The following FRY variants were observed in gnomAD, a reference collection of about 807,000 sequenced individuals.
FRY encodes protein furry homolog.
FRY carries 128 observed loss-of-function variants against 348.4 expected under a neutral mutation model. The ratio of observed to expected loss-of-function variants is 0.37; its 90% CI spans 0.32 to 0.43. FRY has a LOEUF of 0.43. Among genes scored for constraint, FRY ranks in the 20% least tolerant of loss-of-function variants. FRY has a pLI of 1.00. For missense variants in FRY, 2,736 were observed against 3,695.2 expected, an observed-to-expected ratio of 0.74 and a Z score of 6.73; for synonymous variants, 1,370 against 1,374.7, an observed-to-expected ratio of 1.00 and a Z score of 0.08.
Position 32,134,913 on chromosome 13 carries a change from C to T in FRY, c.895C>T (p.His299Tyr), listed in dbSNP as rs749271515. 26 of 1,604,324 alleles carry T rather than the reference C, an allele frequency of 1.6e-5. No homozygotes were observed. The highest frequency in any genetic ancestry group is 1.6e-4 in the Middle Eastern group (1 of 6,066). Residue 299 changes from histidine (H) to tyrosine (Y), a missense_variant, in exon 9 of 61, where the codon CAT (histidine) becomes TAT (tyrosine). Physicochemically the swap from His to Tyr is moderately conservative, Grantham distance 83 (BLOSUM62 2). Transcript: ENST00000542859. The stretch of plus-strand genomic sequence containing the variant: ...TTTTTCTGCTTCCCAGGAATGTGCA[C>T]ATTACTTCCTCGAGGTCAAAGACAA... ...ASLQFMQECA[H>Y]YFLEVKDKDI...
In FRY at chr13:32,295,806, A is replaced by T. The variant is rs1448119597; in HGVS notation, c.*346A>T. On this transcript the variant is annotated 3_prime_UTR_variant, in exon 61 of 61. Coordinates refer to ENST00000542859, the MANE Select transcript of FRY (RefSeq NM_023037.3). ...CCTTCCTTTCTAGAAACAATTTTAG[A>T]TTGGCAAAAGTGCAATGTTTTCTTC... 7 of 275,070 alleles carry T rather than the reference A, an allele frequency of 2.5e-5. No homozygotes were observed. Among genetic ancestry groups the T allele is most frequent in the African/African-American group, 1.5e-4 (7 of 46,330 alleles). 17.0% of individuals were successfully genotyped at this position (275,070 alleles called of 1,614,324 possible). A position where few individuals can be genotyped will look rare whatever the true frequency, so the allele number is the denominator to read the frequency against.
chr13:32,044,785 G>C (rs899946235), intron 1 of FRY, among the ~76,000 whole-genome samples: 7 of 152,194 alleles, frequency 4.6e-5, no homozygotes, highest in Non-Finnish European at 7.3e-5. Flanking sequence ...TTGCCACCCT[G>C]ATAGACTTGC....
intron 1 of FRY, among the ~76,000 whole-genome samples, chr13:32,070,346 G>A (rs1015469270): frequency 4.9e-4 from 75 of 152,226 alleles, no homozygotes; most frequent in African/African-American, 1.6e-3. Flanking sequence ...ATGTAAAAGC[G>A]TTCCTATTTC....
chr13:32,243,314 G>T (rs368883048), intron 46 of FRY, among the ~76,000 whole-genome samples: 67 of 152,198 alleles, frequency 4.4e-4, no homozygotes, highest in African/African-American at 1.6e-3. Flanking sequence ...TTTCCCTAGC[G>T]TTCAATACTT....
intron 39 of FRY, among the ~76,000 whole-genome samples, chr13:32,227,693 G>T (rs189611451): frequency 6.6e-6 from 1 of 150,932 alleles, no homozygotes; most frequent in African/African-American, 2.4e-5. Context: ...AAAATATTAT[G>T]TAAAAGTAAC....
chr13:32,125,550 C>T (rs765062468), intron 7 of FRY, among the ~76,000 whole-genome samples: 3 of 152,166 alleles, frequency 2.0e-5, no homozygotes, highest in African/African-American at 4.8e-5. Context: ...TGAATTCATG[C>T]CAGGAGGTCA....
At chr13:32,111,550 G>A (rs79000953) in intron 3 of FRY, among the ~76,000 whole-genome samples, 1,607 of 152,192 alleles carry the variant, frequency 0.011, 31 homozygotes, top group African/African-American at 0.036. Flanking sequence ...GCAGGAAGAG[G>A]AAGCATCAGC....
At chr13:32,201,711 G>T (rs539113882) in intron 29 of FRY, among the ~76,000 whole-genome samples, 1 of 152,196 alleles carries the variant, frequency 6.6e-6, no homozygotes, top group South Asian at 2.1e-4. Flanking sequence ...AGACTTTTGT[G>T]TTCTTTTATC....
At chr13:32,147,480 A>T (rs1266932344) in intron 12 of FRY, 95 bp downstream of exon 12, 5 of 751,612 alleles carry the variant, frequency 6.7e-6, no homozygotes, top group African/African-American at 1.7e-5. Flanking sequence ...ACTAGAAGCT[A>T]TTCAAAGCTG....
At chr13:32,271,624 C>T (rs1375593698) in intron 55 of FRY, among the ~76,000 whole-genome samples, 1 of 152,170 alleles carries the variant, frequency 6.6e-6, no homozygotes, top group South Asian at 2.1e-4. Context: ...TGAGAGAATA[C>T]TCAGATTGCA....
At chr13:32,144,890 T>C (rs1319383829) in intron 11 of FRY, among the ~76,000 whole-genome samples, 17 of 152,148 alleles carry the variant, frequency 1.1e-4, no homozygotes, top group Admixed American at 1.1e-3. Context: ...TAGATGTATG[T>C]GTGAGAGTCA....
At chr13:32,212,167 G>A (rs192219764) in intron 34 of FRY, 125 bp from the exon 35 acceptor site, 1 of 678,262 alleles carries the variant, frequency 1.5e-6, no homozygotes, top group African/African-American at 1.8e-5. Context: ...TTGTGCAGAA[G>A]ATGTAAAAAA....
At position 32,187,019 on chromosome 13, in the gene FRY, A is replaced by G. The variant is rs550415988; in HGVS notation, c.3481-527A>G. Among the ~76,000 whole-genome samples, 24 of 152,222 alleles carry G rather than the reference A, an allele frequency of 1.6e-4. No individual in the cohort carries two copies. In the South Asian group the frequency reaches 5.0e-3, roughly 32 times the overall value. The stretch of plus-strand genomic sequence containing the variant: ...CTCTTCTCCTACTTTCCCTTGATTT[A>G]TCCCTCCACCCACCCCTTTAGAGGA... On this transcript the variant is annotated intron_variant, in intron 27 of 60. Transcript: ENST00000542859.
chr13:32,184,994 G>A lies in FRY; in HGVS notation c.3165G>A (p.Glu1055=). The A allele has an allele frequency of 6.2e-7, 1 of 1,613,964 alleles. No homozygotes were observed. ...ATTCCAGCACAAATGGAGCCCTAGAGCGGGATACTTTAGCCCTGGGAGCTT... is the reference window on the plus strand; with the variant it reads ...ATTCCAGCACAAATGGAGCCCTAGAACGGGATACTTTAGCCCTGGGAGCTT... The part of the protein sequence containing the change: ...VISDSTNGAL[E]RDTLALGALF... The change falls in exon 26 of 61, where the codon GAG becomes GAA. Residue 1055 remains glutamate, a synonymous_variant. Coordinates refer to ENST00000542859, the MANE Select transcript of FRY (RefSeq NM_023037.3).
At chr13:32,079,380 A>G (rs1480098805) in intron 2 of FRY, among the ~76,000 whole-genome samples, 2 of 152,194 alleles carry the variant, frequency 1.3e-5, no homozygotes, top group African/African-American at 2.4e-5. Flanking sequence ...TCTCATATAT[A>G]TATATGGCAA....
At chr13:32,112,504 A>G (rs1363204852) in intron 3 of FRY, among the ~76,000 whole-genome samples, 2 of 152,178 alleles carry the variant, frequency 1.3e-5, no homozygotes, top group Non-Finnish European at 2.9e-5. Context: ...CACTAGAGAA[A>G]CTATGAAAAC....
intron 28 of FRY, among the ~76,000 whole-genome samples, chr13:32,191,917 G>A (rs1883359378): frequency 6.6e-6 from 1 of 152,116 alleles, no homozygotes; most frequent in African/African-American, 2.4e-5. Flanking sequence ...TCAGTCTATA[G>A]CATGAGGGAA....
At chr13:32,130,755 A>G (rs928291584) in intron 7 of FRY, among the ~76,000 whole-genome samples, 22 of 152,112 alleles carry the variant, frequency 1.4e-4, no homozygotes, top group African/African-American at 5.3e-4. Context: ...AATTCCATGA[A>G]TATAATAGAC....
intron 8 of FRY, 80 bp from the exon 9 acceptor site, chr13:32,134,824 T>C (rs1169760978): frequency 1.2e-6 from 1 of 856,436 alleles, no homozygotes; most frequent in African/African-American, 1.6e-5. Context: ...TAAGAGCTAC[T>C]TACTGAAACT....
Sources: allele counts gnomAD v4.1 joint callset (sites outside exome capture counted in the v4.1 genomes callset), GRCh38; gene constraint gnomAD v4.1.1; transcripts MANE v1.5; gene names NCBI Gene and HGNC (gene_info 2026-07-23, HGNC 2026-07-21).